SRFBP1: variants seen among roughly 807,000 people sequenced by gnomAD.
The protein encoded by SRFBP1 is serum response factor-binding protein 1.
Under a neutral mutation model 45.5 loss-of-function variants are expected in SRFBP1, and 47 were observed. The ratio of observed to expected loss-of-function variants is 1.03; its 90% confidence interval spans 0.82 to 1.32. The LOEUF (loss-of-function observed/expected upper bound fraction) is 1.32. SRFBP1 is among the 40% of genes most tolerant of loss of function. The pLI, the probability that SRFBP1 is intolerant of heterozygous loss-of-function variation, is 0.00. For synonymous variants in SRFBP1, 203 were observed against 166.3 expected, an observed-to-expected ratio of 1.22 and a Z score of -1.70; for missense variants, 621 against 484.6, an observed-to-expected ratio of 1.28 and a Z score of -2.64.
chr5:121,991,377 T>A (rs1325289955), intron 3 of SRFBP1, among the ~76,000 whole-genome samples: 4 of 152,136 alleles, frequency 2.6e-5, no homozygotes, highest in Admixed American at 2.6e-4. Context: ...TGAGTTAAAA[T>A]GTATGTAAAT....
At chr5:121,994,142 A>G (rs1300182499) in intron 3 of SRFBP1, among the ~76,000 whole-genome samples, 2 of 151,864 alleles carry the variant, frequency 1.3e-5, no homozygotes, top group African/African-American at 2.4e-5. Flanking sequence ...TATTTCCTTT[A>G]TTTCATGAAG....
At chr5:121,968,580 G>A (rs1040558156) in intron 1 of SRFBP1, among the ~76,000 whole-genome samples, 22 of 152,076 alleles carry the variant, frequency 1.4e-4, no homozygotes, top group African/African-American at 5.1e-4. Flanking sequence ...ATTTATATAC[G>A]TTATTTTCTC....
chr5:122,053,127 G>A (rs1754018042), intron 2 of SRFBP1, among the ~76,000 whole-genome samples: 1 of 152,128 alleles, frequency 6.6e-6, no homozygotes, highest in African/African-American at 2.4e-5. Flanking sequence ...TCCTTGCCCA[G>A]TCAGCCCTCA....
intron 2 of SRFBP1, among the ~76,000 whole-genome samples, chr5:122,060,704 CATGAAACCTCA>C (rs147473196): frequency 0.043 from 6,484 of 152,130 alleles, 156 homozygotes; most frequent in African/African-American, 0.054. Flanking sequence ...TTTGCATCTT[CATGAAACCTCA>C]ATGAAACCAA....
At position 122,028,129 on chromosome 5, in the gene SRFBP1, T is replaced by C. The variant is rs536372632; in HGVS notation, c.*1003T>C. ...TGCTATTTAAAAGGAAAACAGAAATTTTTAAATCCCTTCAAATGTTTCACT... is the reference window on the plus strand; with the variant it reads ...TGCTATTTAAAAGGAAAACAGAAATCTTTAAATCCCTTCAAATGTTTCACT... On this transcript the variant is annotated 3_prime_UTR_variant, in exon 8 of 8. Transcript: ENST00000339397. The C allele has an allele frequency of 6.6e-6, 1 of 152,314 alleles. No homozygotes were observed. Among genetic ancestry groups the C allele is most frequent in the South Asian group, 2.1e-4 (1 of 4,828 alleles). 9.4% of individuals were successfully genotyped at this position (152,314 alleles called of 1,614,324 possible).
chr5:122,074,794 C>T (rs563455907), intron 2 of SRFBP1, among the ~76,000 whole-genome samples: 16 of 152,254 alleles, frequency 1.1e-4, no homozygotes, highest in African/African-American at 3.8e-4. Context: ...AAGGAAAAAA[C>T]AATGAGGACT....
rs1224711370 is a variant in SRFBP1, at chr5:122,027,849, A to T, written c.*723A>T. 6.6e-6 allele frequency: 1 copy of T among 152,188 alleles called. No homozygotes were observed. Among genetic ancestry groups the T allele is most frequent in the African/African-American group, 2.4e-5 (1 of 41,454 alleles). 9.4% of individuals were successfully genotyped at this position (152,188 alleles called of 1,614,324 possible). A position where few individuals can be genotyped will look rare whatever the true frequency, so the allele number is the denominator to read the frequency against. On this transcript the variant is annotated 3_prime_UTR_variant, in exon 8 of 8. Coordinates refer to ENST00000339397, the MANE Select transcript of SRFBP1 (RefSeq NM_152546.3). ...TTCTTAATTATATTTTAGTTAAGAAAATTGTTTAAATATAGCAATACAACC... is the reference window on the plus strand; with the variant it reads ...TTCTTAATTATATTTTAGTTAAGAATATTGTTTAAATATAGCAATACAACC...
chr5:122,055,156 T>C (rs1174141197), intron 2 of SRFBP1, among the ~76,000 whole-genome samples: 1 of 152,192 alleles, frequency 6.6e-6, no homozygotes. Flanking sequence ...TTCTGGCAGA[T>C]TTAGTGTCTG....
At chr5:121,995,720 A>G (rs1752710594) in intron 4 of SRFBP1, among the ~76,000 whole-genome samples, 1 of 152,156 alleles carries the variant, frequency 6.6e-6, no homozygotes, top group African/African-American at 2.4e-5. Context: ...CAGTGAATCC[A>G]GGAGCTGGTT....
At chr5:122,062,792 G>T (rs1412065856) in intron 2 of SRFBP1, among the ~76,000 whole-genome samples, 2 of 151,962 alleles carry the variant, frequency 1.3e-5, no homozygotes, top group Admixed American at 6.6e-5. Flanking sequence ...GGCTAATCTG[G>T]TGCATATTTA....
chr5:122,008,073 A>G (rs1344325590), intron 4 of SRFBP1, among the ~76,000 whole-genome samples: 5 of 152,050 alleles, frequency 3.3e-5, no homozygotes, highest in Non-Finnish European at 2.9e-5. Flanking sequence ...CTTAGTCTGA[A>G]TGTACTATCC....
chr5:122,074,067 G>T lies in SRFBP1; in HGVS notation n.312-1248G>T. The T allele has an allele frequency of 6.2e-7, 1 of 1,614,136 alleles. No homozygotes were observed. Among genetic ancestry groups the T allele is most frequent in the Non-Finnish European group, 8.5e-7 (1 of 1,179,992 alleles). ...TGTGGTAGCCATAGTCACAGGATGT[G>T]TCTTCAAGACAGAAACTTGCTTTGT... is the stretch of plus-strand genomic sequence containing the variant. On this transcript the variant is annotated intron_variant and non_coding_transcript_variant, in intron 2 of 2. Transcript: ENST00000504881.
chr5:122,035,262 GT>G (rs1753674459), intron 2 of SRFBP1, among the ~76,000 whole-genome samples: 1 of 152,070 alleles, frequency 6.6e-6, no homozygotes, highest in African/African-American at 2.4e-5. Flanking sequence ...ATCCTCAACA[GT>G]TTTATCTGCC....
intron 2 of SRFBP1, among the ~76,000 whole-genome samples, chr5:122,044,316 G>T (rs1300936394): frequency 6.6e-6 from 1 of 152,146 alleles, no homozygotes; most frequent in African/African-American, 2.4e-5. Context: ...GAACATACAT[G>T]TGCATGAGTG....
intron 3 of SRFBP1, among the ~76,000 whole-genome samples, chr5:121,977,704 T>C (rs1407438099): frequency 1.3e-5 from 2 of 152,162 alleles, no homozygotes; most frequent in African/African-American, 2.4e-5. Context: ...TATAGTCTTA[T>C]TGATGACATA....
intron 2 of SRFBP1, among the ~76,000 whole-genome samples, chr5:122,047,429 A>C (rs1452022162): frequency 6.6e-6 from 1 of 152,154 alleles, no homozygotes; most frequent in African/African-American, 2.4e-5. Context: ...TACCAGTACC[A>C]TGCTGTTTTG....
intron 1 of SRFBP1, among the ~76,000 whole-genome samples, chr5:121,970,681 T>A (rs573156798): frequency 1.3e-5 from 2 of 152,240 alleles, no homozygotes; most frequent in South Asian, 4.1e-4. Flanking sequence ...TGTGCATTTT[T>A]AAAATATATT....
chr5:122,075,383 C>T (rs769100541), exon 3 of SRFBP1: 1 of 1,574,792 alleles, frequency 6.4e-7, no homozygotes, highest in Non-Finnish European at 8.6e-7. Flanking sequence ...CCAAAAGTAC[C>T]CAGGAGGCCC....
At chr5:122,036,836 C>T (rs1275190131) in intron 2 of SRFBP1, among the ~76,000 whole-genome samples, 1 of 151,826 alleles carries the variant, frequency 6.6e-6, no homozygotes, top group Non-Finnish European at 1.5e-5. Context: ...AATCTATATC[C>T]TTTAATCTGT....
Sources: allele counts gnomAD v4.1 joint callset (sites outside exome capture counted in the v4.1 genomes callset), GRCh38; gene constraint gnomAD v4.1.1; transcripts MANE v1.5; gene names NCBI Gene and HGNC (gene_info 2026-07-23, HGNC 2026-07-21).